The following CABLES2 variants were observed in gnomAD, a reference collection of about 807,000 sequenced individuals.
CABLES2 encodes the protein Cdk5 and Abl enzyme substrate 2.
CABLES2 carries 35 observed loss-of-function variants against 44.8 expected under a neutral mutation model. The observed-to-expected ratio is 0.78, with a 90% CI of 0.60 to 1.04. CABLES2 has a LOEUF of 1.04. CABLES2 is among the 50% of genes least tolerant of loss of function. The probability of loss-of-function intolerance (pLI) is 0.00; values close to 1 mark genes in which losing one functional copy is unlikely to be tolerated. For synonymous variants in CABLES2, 282 were observed against 281.1 expected (o/e 1.00, Z -0.03); for missense variants, 566 against 615.7 (o/e 0.92, Z 0.85).
intron 5 of CABLES2, 114 bp downstream of exon 5, chr20:62,394,043 A>T (rs1202138458): frequency 8.7e-5 from 73 of 840,194 alleles, no homozygotes; most frequent in Non-Finnish European, 8.0e-6. Flanking sequence ...CTTGCGTTTT[A>T]CGTGGAGTGA....
At chr20:62,405,548 G>A (rs1601480520) in intron 1 of CABLES2, 1 of 152,316 alleles carries the variant, frequency 6.6e-6, no homozygotes, top group Non-Finnish European at 1.5e-5. Context: ...AGTGCACCGC[G>A]ACCTGCGTGT....
At chr20:62,401,841 C>T (rs1049631611) in intron 1 of CABLES2, among the ~76,000 whole-genome samples, 1 of 152,228 alleles carries the variant, frequency 6.6e-6, no homozygotes, top group African/African-American at 2.4e-5. Flanking sequence ...CACTGAGCTG[C>T]ACGCACCTTC....
At position 62,396,528 on chromosome 20, in the gene CABLES2, C is replaced by T. The variant is rs1988024024; in HGVS notation, c.427G>A (p.Ala143Thr). 1.2e-6 allele frequency: 2 copies of T among 1,613,742 alleles called. No individual in the cohort carries two copies. The highest frequency in any genetic ancestry group is 1.7e-5 in the Admixed American group (1 of 59,994). ...GCGGACGGGGGCGTGTACCTCTGTG[C>T]TGGAGCGCATCCCACGGCATCTTCC... ...FLEDAVGCAP[A>T]QRTKHTSGSP... The change falls in exon 2 of 10, where the codon GCA (alanine) becomes ACA (threonine). Residue 143 changes from alanine to threonine, a missense_variant. Transcript: ENST00000279101. The surrounding 1 kb of genome is among the most constrained non-coding windows in gnomAD (Gnocchi z 5.7).
rs892623467 is a variant in CABLES2 at position 62,396,168 on chromosome 20, G to A, written c.527+147C>T. On this transcript the variant is annotated intron_variant, in intron 3 of 9. Transcript: ENST00000279101. This position sits in a 1 kb window ranked among gnomAD's most constrained non-coding sequence, Gnocchi z 5.7. Reference sequence around the variant, plus strand: ...CTGATGTGGAGCAAGCAGTGTGGTGGGGAGGAGGGCCCACCTCTAGAGGTG... The same window carrying A: ...CTGATGTGGAGCAAGCAGTGTGGTGAGGAGGAGGGCCCACCTCTAGAGGTG... 4 of 702,114 alleles carry A rather than the reference G, an allele frequency of 5.7e-6. No individual in the cohort carries two copies. The highest frequency in any genetic ancestry group is 1.6e-5 in the South Asian group (1 of 61,214). The allele number at this position is 702,114 out of a possible 1,614,324, so 43.5% of individuals were successfully genotyped here.
At chr20:62,406,547 G>A (rs1275455974) in intron 1 of CABLES2, among the ~76,000 whole-genome samples, 1 of 120,102 alleles carries the variant, frequency 8.3e-6, no homozygotes, top group East Asian at 2.0e-4. Context: ...GGGTGACAGG[G>A]CCTGAGGAAA....
chr20:62,399,113 T>G (rs2427315), intron 1 of CABLES2, among the ~76,000 whole-genome samples: 3 of 151,694 alleles, frequency 2.0e-5, no homozygotes, highest in African/African-American at 7.3e-5. Flanking sequence ...TGCCCGACAA[T>G]TTTTTTTGTA....
intron 6 of CABLES2, 101 bp downstream of exon 6, chr20:62,393,339 A>G: frequency 8.0e-7 from 1 of 1,244,352 alleles, no homozygotes. Context: ...ACGGAGGGCT[A>G]CAGATTGAAA....
chr20:62,395,270 C>T (rs578197176), intron 3 of CABLES2, among the ~76,000 whole-genome samples: 2 of 151,952 alleles, frequency 1.3e-5, no homozygotes, highest in African/African-American at 2.4e-5. Context: ...CGCCGCTGCA[C>T]GTGGGCAGGC....
At chr20:62,394,038 G>A (rs1484248668) in intron 5 of CABLES2, 119 bp downstream of exon 5, 58 of 823,674 alleles carry the variant, frequency 7.0e-5, no homozygotes, top group East Asian at 2.5e-4. Flanking sequence ...CCACCCTTGC[G>A]TTTTACGTGG....
intron 1 of CABLES2, among the ~76,000 whole-genome samples, chr20:62,398,064 G>GTGA (rs1255906380): frequency 1.2e-5 from 1 of 85,142 alleles, no homozygotes; most frequent in Non-Finnish European, 2.4e-5. Context: ...GGCGATGGTG[G>GTGA]TGGTGACGGT....
At position 62,391,568 on chromosome 20, in the gene CABLES2, C is replaced by G. The variant is rs1477861550; in HGVS notation, c.1092-115G>C. The stretch of plus-strand genomic sequence containing the variant: ...ATGTAGCTTTGGGCCGCAAGAAACA[C>G]CACCGCATCCTTCAGGGGATGGTAC... On this transcript the variant is annotated intron_variant, in intron 8 of 9. Coordinates refer to ENST00000279101, the MANE Select transcript of CABLES2 (RefSeq NM_031215.3). This position sits in a 1 kb window ranked among gnomAD's most constrained non-coding sequence, Gnocchi z 5.7. 2.0e-6 allele frequency: 2 copies of G among 1,015,480 alleles called. No individual in the cohort carries two copies. The highest frequency in any genetic ancestry group is 3.0e-6 in the Non-Finnish European group (2 of 660,494). The allele number at this position is 1,015,480 out of a possible 1,614,324, so 62.9% of individuals were successfully genotyped here.
chr20:62,398,138 G>A (rs544313006), intron 1 of CABLES2, among the ~76,000 whole-genome samples: 1 of 144,898 alleles, frequency 6.9e-6, no homozygotes, highest in Non-Finnish European at 1.5e-5. Flanking sequence ...TGACGGTGGT[G>A]ATGGTGGTGG....
At chr20:62,393,662 T>G in intron 5 of CABLES2, 57 bp from the exon 6 acceptor site, 1 of 1,508,324 alleles carries the variant, frequency 6.6e-7, no homozygotes, top group Non-Finnish European at 8.9e-7. Flanking sequence ...GAGGGCAAAG[T>G]GAGCTCCCGC....
rs1987893882 is a variant in CABLES2 at position 62,390,486 on chromosome 20, C to G, written c.*485G>C. On this transcript the variant is annotated 3_prime_UTR_variant, in exon 10 of 10. Coordinates refer to ENST00000279101, the MANE Select transcript of CABLES2 (RefSeq NM_031215.3). ...GATGCTGCTGGGGAACCCGAAAAAC[C>G]ACATCTCCAAGATGAATGCCTAAAT... is the stretch of plus-strand genomic sequence containing the variant. 2 of 155,604 alleles carry G rather than the reference C, an allele frequency of 1.3e-5. No homozygotes were observed. Among genetic ancestry groups the G allele is most frequent in the Non-Finnish European group, 2.9e-5 (2 of 70,022 alleles). The allele number at this position is 155,604 out of a possible 1,614,324, so 9.6% of individuals were successfully genotyped here. A position where few individuals can be genotyped will look rare whatever the true frequency, so the allele number is the denominator to read the frequency against.
chr20:62,391,120 G>T lies in CABLES2; in HGVS notation c.1297-9C>A. Reference sequence around the variant, plus strand: ...AACCTTTCTTCTAACTTCTGCAGGGGAGAAGAGAGAAGGGTTACACGGGAG... The same window carrying T: ...AACCTTTCTTCTAACTTCTGCAGGGTAGAAGAGAGAAGGGTTACACGGGAG... On this transcript the variant is annotated splice_polypyrimidine_tract_variant and intron_variant, in intron 9 of 9. Coordinates refer to ENST00000279101, the MANE Select transcript of CABLES2 (RefSeq NM_031215.3). The surrounding 1 kb of genome is among the most constrained non-coding windows in gnomAD (Gnocchi z 5.7). The T allele has an allele frequency of 1.9e-6, 3 of 1,613,814 alleles. No homozygotes were observed. Among genetic ancestry groups the T allele is most frequent in the East Asian group, 4.5e-5 (2 of 44,876 alleles).
At position 62,396,140 on chromosome 20, in the gene CABLES2, C is replaced by T. The variant is rs1011266889; in HGVS notation, c.527+175G>A. The stretch of plus-strand genomic sequence containing the variant: ...GTGACACCAGGGACCTGCGGGTGCT[C>T]GGCTGATGTGGAGCAAGCAGTGTGG... On this transcript the variant is annotated intron_variant, in intron 3 of 9. Coordinates refer to ENST00000279101, the MANE Select transcript of CABLES2 (RefSeq NM_031215.3). This position sits in a 1 kb window ranked among gnomAD's most constrained non-coding sequence, Gnocchi z 5.7. 2.0e-5 allele frequency among the ~76,000 whole-genome samples: 3 copies of T among 152,090 alleles called. No homozygotes were observed. Among genetic ancestry groups the T allele is most frequent in the Non-Finnish European group, 4.4e-5 (3 of 68,024 alleles).
At chr20:62,393,694 T>A (rs1987962740) in intron 5 of CABLES2, 89 bp from the exon 6 acceptor site, 5 of 1,383,506 alleles carry the variant, frequency 3.6e-6, no homozygotes, top group Non-Finnish European at 4.9e-6. Flanking sequence ...CAGACGCACA[T>A]GCCAGGAGCC....
At chr20:62,397,331 C>A (rs937541444) in intron 1 of CABLES2, among the ~76,000 whole-genome samples, 2 of 152,166 alleles carry the variant, frequency 1.3e-5, no homozygotes, top group Non-Finnish European at 2.9e-5. Flanking sequence ...GCCTCCCCTT[C>A]CAGAGTGCCG....
At chr20:62,395,116 T>A in intron 3 of CABLES2, 102 bp from the exon 4 acceptor site, 1 of 951,400 alleles carries the variant, frequency 1.1e-6, no homozygotes, top group Non-Finnish European at 1.6e-6. Flanking sequence ...TCCTTCTGCC[T>A]AAATTCAGGT....
Sources: allele counts gnomAD v4.1 joint callset (sites outside exome capture counted in the v4.1 genomes callset), GRCh38; gene constraint gnomAD v4.1.1; non-coding constraint Gnocchi (gnomAD v3.1); transcripts MANE v1.5; gene names NCBI Gene and HGNC (gene_info 2026-07-23, HGNC 2026-07-21).